The following FSTL4 variants were observed in gnomAD, a reference collection of about 807,000 sequenced individuals.
The protein encoded by FSTL4 is follistatin like 4, also known as follistatin-related protein 4.
Under a neutral mutation model 78.2 loss-of-function variants are expected in FSTL4, and 28 were observed. The ratio of observed to expected loss-of-function variants is 0.36; its 90% CI spans 0.27 to 0.49. The LOEUF (loss-of-function observed/expected upper bound fraction) is 0.49, where lower values mean the gene tolerates loss of function less well. Among genes scored for constraint, FSTL4 ranks in the 20% least tolerant of loss-of-function variants. The pLI, the probability that FSTL4 is intolerant of heterozygous loss-of-function variation, is 0.98. For synonymous variants in FSTL4, 422 were observed against 440.5 expected, an observed-to-expected ratio of 0.96 and a Z score of 0.53; for missense variants, 922 against 1,084.9, an observed-to-expected ratio of 0.85 and a Z score of 2.11.
At chr5:133,376,318 A>T (rs1755434773) in intron 4 of FSTL4, among the ~76,000 whole-genome samples, 1 of 151,628 alleles carries the variant, frequency 6.6e-6, no homozygotes, top group Admixed American at 6.6e-5. Context: ...CTCTGGGGGA[A>T]CAGATAGACT....
chr5:133,217,861 C>T lies in FSTL4; in HGVS notation c.1459-483G>A, dbSNP rs564637112. Reference sequence around the variant, plus strand: ...CTGTTCCCTCCCCTCCATCCTCCCTCGGCGGCTGATCCTCTGTTGCTGGAC... The same window carrying T: ...CTGTTCCCTCCCCTCCATCCTCCCTTGGCGGCTGATCCTCTGTTGCTGGAC... On this transcript the variant is annotated intron_variant, in intron 12 of 15. Coordinates refer to ENST00000265342, the MANE Select transcript of FSTL4 (RefSeq NM_015082.2). Among the ~76,000 whole-genome samples the T allele has an allele frequency of 7.9e-5, 12 of 152,240 alleles. No homozygotes were observed. In the South Asian group the frequency reaches 2.3e-3, roughly 29 times the overall value.
intron 2 of FSTL4, among the ~76,000 whole-genome samples, chr5:133,579,253 A>G (rs1458162731): frequency 7.2e-5 from 11 of 152,240 alleles, no homozygotes; most frequent in Non-Finnish European, 1.5e-4. Context: ...TTCTATTGCT[A>G]GAATGAAATC....
intron 4 of FSTL4, among the ~76,000 whole-genome samples, chr5:133,355,326 A>G (rs1001862291): frequency 6.6e-6 from 1 of 152,216 alleles, no homozygotes; most frequent in Non-Finnish European, 1.5e-5. Context: ...CAGAAGACAC[A>G]CTAAGCTCTA....
chr5:133,224,368 G>T, intron 10 of FSTL4, 152 bp from the exon 11 acceptor site: 1 of 585,358 alleles, frequency 1.7e-6, no homozygotes, highest in Admixed American at 3.0e-5. Context: ...ATTGCCCTAG[G>T]AACAGTATCT....
chr5:133,489,247 C>T lies in FSTL4; in HGVS notation c.160+77939G>A, dbSNP rs117239531. 6.6e-5 allele frequency among the ~76,000 whole-genome samples: 10 copies of T among 152,336 alleles called. No homozygotes were observed. The East Asian group carries it at 1.5e-3, about 24-fold the overall frequency. On this transcript the variant is annotated intron_variant, in intron 3 of 15. Coordinates refer to ENST00000265342, the MANE Select transcript of FSTL4 (RefSeq NM_015082.2). ...GCCTGGCCTAGTCCACTGCAGAAAC[C>T]TGGTTCCTGTTCAGAGATGTTCATT...
rs186377716 is a variant in FSTL4 at position 133,532,764 on chromosome 5, C to T, written c.160+34422G>A. 5.8e-4 allele frequency among the ~76,000 whole-genome samples: 88 copies of T among 152,304 alleles called. 1 individual carries two copies. The highest frequency in any genetic ancestry group is 4.4e-5 in the Non-Finnish European group (3 of 68,000). On this transcript the variant is annotated intron_variant, in intron 3 of 15. Coordinates refer to ENST00000265342, the MANE Select transcript of FSTL4 (RefSeq NM_015082.2). ...AACAACATCAGTAGGGGCAATGTCA[C>T]CTGTGGCCATCCTGGCTCAGAAAGG...
chr5:133,555,561 G>T (rs2112932573), intron 3 of FSTL4, among the ~76,000 whole-genome samples: 1 of 152,270 alleles, frequency 6.6e-6, no homozygotes, highest in Admixed American at 6.5e-5. Context: ...AGAGCAAAAG[G>T]CACACCGGTT....
chr5:133,209,537 C>T (rs1750637858), intron 14 of FSTL4, among the ~76,000 whole-genome samples: 1 of 152,200 alleles, frequency 6.6e-6, no homozygotes, highest in African/African-American at 2.4e-5. Context: ...TTACAGGGCT[C>T]ATTCCTCTTA....
chr5:133,550,691 C>T (rs755963703), intron 3 of FSTL4, among the ~76,000 whole-genome samples: 57 of 152,132 alleles, frequency 3.7e-4, no homozygotes, highest in Non-Finnish European at 5.4e-4. Context: ...GTAATATAAC[C>T]AGTACATTGG....
the FSTL4 span, among the ~76,000 whole-genome samples, chr5:133,816,682 CA>C: frequency 1.4e-3 from 218 of 152,302 alleles, no homozygotes; most frequent in Non-Finnish European, 2.4e-3. Flanking sequence ...CCACGAGTGT[CA>C]TTCTGAGGGG....
chr5:133,225,084 G>A lies in FSTL4; in HGVS notation c.1312+66C>T. ...GCAGCTGTGGCCCTGGTCAATTGGTGCCCTCCCTTGCCACCCAACACCTCC... is the reference window on the plus strand; with the variant it reads ...GCAGCTGTGGCCCTGGTCAATTGGTACCCTCCCTTGCCACCCAACACCTCC... On this transcript the variant is annotated intron_variant, in intron 10 of 15. Transcript: ENST00000265342. The surrounding 1 kb of genome is among the most constrained non-coding windows in gnomAD (Gnocchi z 4.6). The A allele has an allele frequency of 6.3e-7, 1 of 1,589,456 alleles. No homozygotes were observed. The highest frequency in any genetic ancestry group is 8.6e-7 in the Non-Finnish European group (1 of 1,159,882).
the FSTL4 span, among the ~76,000 whole-genome samples, chr5:133,702,195 T>C: frequency 2.0e-5 from 3 of 152,372 alleles, no homozygotes; most frequent in South Asian, 2.1e-4. Flanking sequence ...AATTCAATTA[T>C]GCAAATGTCA....
At chr5:133,295,599 A>G (rs555659342) in intron 6 of FSTL4, among the ~76,000 whole-genome samples, 2 of 152,180 alleles carry the variant, frequency 1.3e-5, no homozygotes, top group South Asian at 2.1e-4. Context: ...ATCCAATGAG[A>G]CTTTTGTACC....
At chr5:133,213,448 G>T (rs970006520) in intron 13 of FSTL4, among the ~76,000 whole-genome samples, 57 of 152,206 alleles carry the variant, frequency 3.7e-4, no homozygotes, top group African/African-American at 1.2e-3. Context: ...GTCCTGTGGG[G>T]TTAAATTACA....
At chr5:133,689,137 C>T in the FSTL4 span, among the ~76,000 whole-genome samples, 8 of 152,154 alleles carry the variant, frequency 5.3e-5, no homozygotes, top group Non-Finnish European at 1.0e-4. Flanking sequence ...CTAACCCCTC[C>T]ACCCAGTCTC....
the FSTL4 span, among the ~76,000 whole-genome samples, chr5:133,765,371 A>G: frequency 6.6e-6 from 1 of 152,382 alleles, no homozygotes; most frequent in South Asian, 2.1e-4. Flanking sequence ...TGAAGAAGAC[A>G]GACAGGATGT....
intron 3 of FSTL4, among the ~76,000 whole-genome samples, chr5:133,410,631 G>A (rs1251228003): frequency 6.6e-6 from 1 of 152,154 alleles, no homozygotes; most frequent in African/African-American, 2.4e-5. Flanking sequence ...GCCATACAAG[G>A]GCCGCCCCGG....
chr5:133,227,288 C>T (rs1406708742), intron 8 of FSTL4, among the ~76,000 whole-genome samples: 3 of 152,160 alleles, frequency 2.0e-5, no homozygotes, highest in Admixed American at 6.5e-5. Context: ...AGTCAGGCCA[C>T]TAGGGGTGGA....
chr5:133,762,126 A>C, the FSTL4 span, among the ~76,000 whole-genome samples: 34 of 152,274 alleles, frequency 2.2e-4, no homozygotes, highest in East Asian at 6.6e-3. Flanking sequence ...TTCTCTCTTC[A>C]CTAGTATTTT....
Sources: gnomAD v4.1 joint callset for allele counts (sites outside exome capture counted in the v4.1 genomes callset) on GRCh38, gnomAD v4.1.1 for gene constraint, Gnocchi (gnomAD v3.1) non-coding constraint, MANE v1.5 for transcripts, NCBI Gene and HGNC (gene_info 2026-07-23, HGNC 2026-07-21) for gene names.